SRGAP1: variants seen among roughly 807,000 people sequenced by gnomAD.
SRGAP1 encodes SLIT-ROBO Rho GTPase-activating protein 1.
A neutral mutation model predicts 121.9 loss-of-function variants in SRGAP1; 43 were observed. The observed-to-expected ratio is 0.35, with a 90% CI of 0.28 to 0.46. The LOEUF (loss-of-function observed/expected upper bound fraction) is 0.46, where lower values mean the gene tolerates loss of function less well. Among genes scored for constraint, SRGAP1 ranks in the 20% least tolerant of loss-of-function variants. SRGAP1 has a pLI of 1.00. For missense variants in SRGAP1, 1,102 were observed against 1,350.9 expected, an observed-to-expected ratio of 0.82 and a Z score of 2.89; for synonymous variants, 447 against 485.4, an observed-to-expected ratio of 0.92 and a Z score of 1.04.
chr12:63,863,393 C>T (rs922642510), intron 1 of SRGAP1, among the ~76,000 whole-genome samples: 1 of 151,866 alleles, frequency 6.6e-6, no homozygotes, highest in South Asian at 2.1e-4. Context: ...ATACCTCAGC[C>T]TCCCAAGTAG....
At chr12:64,070,256 A>G (rs1251251158) in intron 8 of SRGAP1, among the ~76,000 whole-genome samples, 2 of 152,240 alleles carry the variant, frequency 1.3e-5, no homozygotes, top group African/African-American at 4.8e-5. Flanking sequence ...CTCACCATTT[A>G]TTACAGTTCT....
intron 15 of SRGAP1, 186 bp downstream of exon 15, chr12:64,097,561 G>T: frequency 1.9e-6 from 1 of 531,682 alleles, no homozygotes; most frequent in Non-Finnish European, 3.0e-6. Flanking sequence ...CCTCACCCTC[G>T]GCTGAGTGGG....
At chr12:64,079,720 A>G (rs1160580553) in intron 9 of SRGAP1, among the ~76,000 whole-genome samples, 1 of 151,826 alleles carries the variant, frequency 6.6e-6, no homozygotes. Flanking sequence ...TTTAAACTTT[A>G]ATATCTATAC....
At chr12:63,927,573 G>A (rs911772778) in intron 1 of SRGAP1, among the ~76,000 whole-genome samples, 5 of 152,074 alleles carry the variant, frequency 3.3e-5, no homozygotes, top group Non-Finnish European at 7.4e-5. Flanking sequence ...CTTCTCTTTT[G>A]TTCTTTAGTT....
At chr12:63,893,555 C>T (rs1409322602) in intron 1 of SRGAP1, among the ~76,000 whole-genome samples, 1 of 152,280 alleles carries the variant, frequency 6.6e-6, no homozygotes, top group East Asian at 1.9e-4. Flanking sequence ...ACATGCCTGA[C>T]AGCTAGAATT....
At chr12:63,875,571 A>C (rs1449820538) in intron 1 of SRGAP1, among the ~76,000 whole-genome samples, 2 of 152,222 alleles carry the variant, frequency 1.3e-5, no homozygotes, top group Non-Finnish European at 2.9e-5. Context: ...ATAGTTTTTG[A>C]AATTTACAAC....
rs1376997332 is a variant in SRGAP1 at position 64,038,673 on chromosome 12, T to A, written c.490-4117T>A. The A allele has an allele frequency of 3.3e-5, 5 of 152,218 alleles. No homozygotes were observed. The East Asian group carries it at 7.7e-4, about 23-fold the overall frequency. The allele number at this position is 152,218 out of a possible 1,614,324, so 9.4% of individuals were successfully genotyped here. A position where few individuals can be genotyped will look rare whatever the true frequency, so the allele number is the denominator to read the frequency against. ...AAAATATTAACTTCTGTGCAAGTTA[T>A]CATATAGGATATCCCAATCTCCTAA... is the stretch of plus-strand genomic sequence containing the variant. On this transcript the variant is annotated intron_variant, in intron 4 of 21. Coordinates refer to ENST00000355086, the MANE Select transcript of SRGAP1 (RefSeq NM_020762.4).
intron 11 of SRGAP1, among the ~76,000 whole-genome samples, chr12:64,088,350 A>G (rs2035984907): frequency 6.6e-6 from 1 of 152,186 alleles, no homozygotes; most frequent in African/African-American, 2.4e-5. Flanking sequence ...CAATTATTTT[A>G]CCTGTTGTTT....
At position 64,003,248 on chromosome 12, in the gene SRGAP1, G is replaced by A. The variant is rs113250015; in HGVS notation, c.426+13176G>A. 9.7e-3 allele frequency among the ~76,000 whole-genome samples: 1,477 copies of A among 151,948 alleles called. 21 individuals carry two copies. Among genetic ancestry groups the A allele is most frequent in the African/African-American group, 0.034 (1,405 of 41,448 alleles). On this transcript the variant is annotated intron_variant, in intron 3 of 21. Transcript: ENST00000355086. ...ACTACAGGTGTACACCACCATGCCCGGCTAATTTTTGTTATTTTTTTGGCG... is the reference window on the plus strand; with the variant it reads ...ACTACAGGTGTACACCACCATGCCCAGCTAATTTTTGTTATTTTTTTGGCG...
In SRGAP1 at chr12:64,142,639, C is replaced by T. The variant is rs2036984321; in HGVS notation, c.3225C>T (p.Pro1075=). ...TNPTIGPAPP[P]QGPTDKSCTM ...CTACCATAGGACCTGCCCCACCTCC[C>T]CAGGGTCCAACAGACAAGTCATGCA... is the stretch of plus-strand genomic sequence containing the variant. Residue 1075 remains proline (P), a synonymous_variant, in exon 22 of 22, where the codon CCC becomes CCT. Transcript: ENST00000355086. The T allele has an allele frequency of 1.9e-6, 3 of 1,614,010 alleles. No individual in the cohort carries two copies. In the East Asian group the frequency reaches 6.7e-5, roughly 36 times the overall value.
At chr12:63,881,481 A>G (rs1203666121) in intron 1 of SRGAP1, among the ~76,000 whole-genome samples, 1 of 152,230 alleles carries the variant, frequency 6.6e-6, no homozygotes, top group African/African-American at 2.4e-5. Flanking sequence ...TAGTGACTTT[A>G]GATCAGGATG....
intron 1 of SRGAP1, among the ~76,000 whole-genome samples, chr12:63,853,207 C>G (rs1565921052): frequency 6.6e-6 from 1 of 151,722 alleles, no homozygotes. Flanking sequence ...TTTTAGGAGA[C>G]ACGGGGTTTC....
At chr12:64,076,344 A>G (rs185965875) in intron 8 of SRGAP1, among the ~76,000 whole-genome samples, 117 of 152,316 alleles carry the variant, frequency 7.7e-4, no homozygotes, top group African/African-American at 2.6e-3. Context: ...ACTATTTACA[A>G]TGTTCAAGGA....
intron 18 of SRGAP1, among the ~76,000 whole-genome samples, chr12:64,124,313 T>C (rs1011450143): frequency 6.6e-6 from 1 of 151,662 alleles, no homozygotes; most frequent in African/African-American, 2.4e-5. Flanking sequence ...AGTAAACTTT[T>C]GGAAGAATAA....
At chr12:64,065,316 C>A in intron 8 of SRGAP1, 97 bp downstream of exon 8, 1 of 1,037,442 alleles carries the variant, frequency 9.6e-7, no homozygotes, top group Non-Finnish European at 1.4e-6. Flanking sequence ...ATTCAAGATT[C>A]AACCTCTTCA....
intron 12 of SRGAP1, among the ~76,000 whole-genome samples, chr12:64,094,613 A>G (rs12821506): frequency 6.6e-6 from 1 of 152,222 alleles, no homozygotes; most frequent in Non-Finnish European, 1.5e-5. Context: ...CAAACTGAAG[A>G]TGCTATGATT....
chr12:63,972,272 A>G (rs2032971685), intron 1 of SRGAP1, among the ~76,000 whole-genome samples: 1 of 152,216 alleles, frequency 6.6e-6, no homozygotes. Context: ...TTTTAGATTA[A>G]GGTATTCTCT....
Position 64,148,350 on chromosome 12 carries a change from CA to C in SRGAP1, c.*5679del, listed in dbSNP as rs2037083852. ...AGGCTGTAGTGCAGTGGTGCAATCTCAGCTCACTGCAACCTCCCCCTCCTGG... is the reference window on the plus strand; with the variant it reads ...AGGCTGTAGTGCAGTGGTGCAATCTCGCTCACTGCAACCTCCCCCTCCTGG... On this transcript the variant is annotated 3_prime_UTR_variant, in exon 22 of 22. Transcript: ENST00000355086. The C allele has an allele frequency of 6.8e-6, 1 of 147,780 alleles. No individual in the cohort carries two copies. Among genetic ancestry groups the C allele is most frequent in the African/African-American group, 2.5e-5 (1 of 39,968 alleles). The allele number at this position is 147,780 out of a possible 1,614,324, so 9.2% of individuals were successfully genotyped here.
At chr12:63,966,874 A>C (rs1324717617) in intron 1 of SRGAP1, among the ~76,000 whole-genome samples, 1 of 152,238 alleles carries the variant, frequency 6.6e-6, no homozygotes, top group East Asian at 1.9e-4. Flanking sequence ...TCTGGTTCCC[A>C]GATTAGGAAA....
Sources: gnomAD v4.1 joint callset for allele counts (sites outside exome capture counted in the v4.1 genomes callset) on GRCh38, gnomAD v4.1.1 for gene constraint, MANE v1.5 for transcripts, NCBI Gene and HGNC (gene_info 2026-07-23, HGNC 2026-07-21) for gene names.